MAD1L1: variants seen among roughly 807,000 people sequenced by gnomAD.
MAD1L1 encodes the protein mitotic arrest deficient 1 like 1.
A neutral mutation model predicts 96.9 loss-of-function variants in MAD1L1; 95 were observed. That is an observed-to-expected ratio of 0.98 (90% CI 0.83 to 1.16). MAD1L1 has a LOEUF of 1.16. Ranked by LOEUF, MAD1L1 falls within the 50% of genes most tolerant of loss-of-function variation. MAD1L1 has a pLI of 0.00. For missense variants in MAD1L1, 1,007 were observed against 954.4 expected, an observed-to-expected ratio of 1.06 and a Z score of -0.73; for synonymous variants, 473 against 396.6, an observed-to-expected ratio of 1.19 and a Z score of -2.29.
At position 2,184,000 on chromosome 7, in the gene MAD1L1, T is replaced by C. The variant is rs564181187; in HGVS notation, c.986+29212A>G. Among the ~76,000 whole-genome samples, 6 of 152,162 alleles carry C rather than the reference T, an allele frequency of 3.9e-5. No individual in the cohort carries two copies. In the South Asian group the frequency reaches 1.0e-3, roughly 26 times the overall value. ...GCGCAGTGGCTCACGCCTGTAATCC[T>C]GGCACTTTGGGAGGCCGAGGCGGGT... On this transcript the variant is annotated intron_variant, in intron 10 of 18. Coordinates refer to ENST00000265854, the MANE Select transcript of MAD1L1 (RefSeq NM_001013836.2).
intron 11 of MAD1L1, among the ~76,000 whole-genome samples, chr7:2,106,997 G>A (rs142622234): frequency 1.4e-3 from 209 of 152,140 alleles, no homozygotes; most frequent in South Asian, 0.013. Flanking sequence ...TCCTGACGCC[G>A]TGTGTTCTCA....
intron 15 of MAD1L1, among the ~76,000 whole-genome samples, chr7:1,964,097 G>A: frequency 6.6e-6 from 1 of 152,192 alleles, no homozygotes; most frequent in Non-Finnish European, 1.5e-5. Flanking sequence ...AGCTGGTAAG[G>A]GGCCTGGCCG....
chr7:2,127,825 G>A (rs1788306552), intron 11 of MAD1L1, among the ~76,000 whole-genome samples: 2 of 152,150 alleles, frequency 1.3e-5, no homozygotes, highest in Non-Finnish European at 2.9e-5. Context: ...AAAGCCTAGG[G>A]TGGAGTTGCT....
chr7:1,827,967 G>A (rs567491363), intron 18 of MAD1L1, among the ~76,000 whole-genome samples: 1 of 152,282 alleles, frequency 6.6e-6, no homozygotes, highest in African/African-American at 2.4e-5. Context: ...CACGCTTAGG[G>A]CAATGTGATG....
chr7:2,219,300 G>T, intron 6 of MAD1L1, 32 bp downstream of exon 6: 1 of 1,533,854 alleles, frequency 6.5e-7, no homozygotes. Flanking sequence ...CACGTGACCC[G>T]ACCCCCGACC....
At chr7:2,081,352 C>T (rs537157728) in intron 11 of MAD1L1, among the ~76,000 whole-genome samples, 27 of 152,288 alleles carry the variant, frequency 1.8e-4, no homozygotes, top group Admixed American at 1.2e-3. Context: ...CTCAAACTGA[C>T]GCGTAAAGGA....
chr7:2,146,672 A>C lies in MAD1L1; in HGVS notation c.1073+2480T>G, dbSNP rs1789323551. 6.6e-6 allele frequency among the ~76,000 whole-genome samples: 1 copy of C among 152,160 alleles called. No individual in the cohort carries two copies. Among genetic ancestry groups the C allele is most frequent in the South Asian group, 2.1e-4 (1 of 4,806 alleles). Reference sequence around the variant, plus strand: ...GCTACTTTCAATGAGAAACAAACAAAAGTGACTTTAAAATGAGGCCCGCCT... The same window carrying C: ...GCTACTTTCAATGAGAAACAAACAACAGTGACTTTAAAATGAGGCCCGCCT... On this transcript the variant is annotated intron_variant, in intron 11 of 18. Transcript: ENST00000265854. The surrounding 1 kb of genome is among the most constrained non-coding windows in gnomAD (Gnocchi z 6.2).
At chr7:2,038,163 G>A (rs543653368) in intron 12 of MAD1L1, among the ~76,000 whole-genome samples, 13 of 152,334 alleles carry the variant, frequency 8.5e-5, no homozygotes, top group East Asian at 7.7e-4. Context: ...CAAGTTCCAC[G>A]AGGCTGAGAG....
chr7:2,077,618 G>A (rs1033009551), intron 11 of MAD1L1, among the ~76,000 whole-genome samples: 4 of 152,250 alleles, frequency 2.6e-5, no homozygotes, highest in Non-Finnish European at 5.9e-5. Flanking sequence ...CCAGCGGGGA[G>A]CAGTGAACTC....
At chr7:1,942,512 G>A (rs953393535) in intron 16 of MAD1L1, among the ~76,000 whole-genome samples, 8 of 152,212 alleles carry the variant, frequency 5.3e-5, no homozygotes, top group Admixed American at 3.9e-4. Context: ...CCCGTCTCCA[G>A]GGCAGCCGAG....
chr7:1,960,290 G>A (rs1042878053), intron 15 of MAD1L1, among the ~76,000 whole-genome samples: 7 of 148,576 alleles, frequency 4.7e-5, no homozygotes, highest in East Asian at 1.9e-4. Flanking sequence ...AGAGACAGAT[G>A]AGTAGAAAAC....
At chr7:2,059,347 G>A (rs1193619115) in intron 12 of MAD1L1, among the ~76,000 whole-genome samples, 1 of 148,810 alleles carries the variant, frequency 6.7e-6, no homozygotes, top group East Asian at 2.0e-4. Flanking sequence ...GAGGAGAGGA[G>A]AGGCATGGGG....
At chr7:2,089,009 C>A (rs973143839) in intron 11 of MAD1L1, 11 of 152,306 alleles carry the variant, frequency 7.2e-5, no homozygotes, top group African/African-American at 2.7e-4. Flanking sequence ...CCCCACTCCA[C>A]TGATGGCCTG....
intron 10 of MAD1L1, among the ~76,000 whole-genome samples, chr7:2,159,956 A>G (rs1639897): frequency 6.6e-6 from 1 of 152,174 alleles, no homozygotes; most frequent in South Asian, 2.1e-4. Flanking sequence ...GGCCAGGCGC[A>G]GTGGCTCATG....
chr7:1,920,857 G>A (rs999103490), intron 17 of MAD1L1, among the ~76,000 whole-genome samples: 2 of 152,182 alleles, frequency 1.3e-5, no homozygotes, highest in East Asian at 1.9e-4. Flanking sequence ...TTTAAAAACC[G>A]ACAGCAAAAA....
chr7:1,959,416 C>T (rs1779860945), intron 15 of MAD1L1, among the ~76,000 whole-genome samples: 1 of 152,134 alleles, frequency 6.6e-6, no homozygotes, highest in South Asian at 2.1e-4. Flanking sequence ...TAAGAAAGTT[C>T]CACTTTCAAT....
chr7:2,053,946 C>G (rs11765426), intron 12 of MAD1L1, among the ~76,000 whole-genome samples: 3,680 of 152,356 alleles, frequency 0.024, 62 homozygotes, highest in Non-Finnish European at 0.037. Flanking sequence ...CAGAAATGCC[C>G]TCATCGGGGT....
intron 11 of MAD1L1, among the ~76,000 whole-genome samples, chr7:2,104,339 G>A (rs950855721): frequency 7.9e-5 from 12 of 152,254 alleles, no homozygotes; most frequent in Non-Finnish European, 1.5e-4. Context: ...AGCCCCCACA[G>A]CCCCGCCCCT....
intron 18 of MAD1L1, among the ~76,000 whole-genome samples, chr7:1,876,516 C>T (rs1189922495): frequency 6.6e-6 from 1 of 151,924 alleles, no homozygotes; most frequent in Admixed American, 6.6e-5. Flanking sequence ...ATGATTGCAG[C>T]TAAATTAATT....
Sources: gnomAD v4.1 joint callset for allele counts (sites outside exome capture counted in the v4.1 genomes callset) on GRCh38, gnomAD v4.1.1 for gene constraint, Gnocchi (gnomAD v3.1) non-coding constraint, MANE v1.5 for transcripts, NCBI Gene and HGNC (gene_info 2026-07-23, HGNC 2026-07-21) for gene names.